The following SLC39A8 variants were observed in gnomAD, a reference collection of about 807,000 sequenced individuals.
SLC39A8 encodes metal cation symporter ZIP8.
A neutral mutation model predicts 40.4 loss-of-function variants in SLC39A8; 15 were observed. The ratio of observed to expected loss-of-function variants is 0.37; its 90% CI spans 0.25 to 0.57. The LOEUF is 0.57. Ranked by LOEUF, SLC39A8 falls within the 20% of genes least tolerant of loss-of-function variation. SLC39A8 has a pLI of 0.75. For missense variants in SLC39A8, 472 were observed against 558.8 expected (o/e 0.84, Z 1.57); for synonymous variants, 223 against 221.6 (o/e 1.01, Z -0.06).
At chr4:102,272,037 G>T (rs1163779344) in intron 6 of SLC39A8, among the ~76,000 whole-genome samples, 1 of 152,018 alleles carries the variant, frequency 6.6e-6, no homozygotes, top group African/African-American at 2.4e-5. Flanking sequence ...GAACCAAGAG[G>T]TGAGAGTAAA....
rs191022895 is a variant in SLC39A8, at chr4:102,278,768, A to G, written c.841-10689T>C. ...TGCCCATCAATGATAGAATGGATAA[A>G]GAAAATGTGGCATGTATACACCACG... is the stretch of plus-strand genomic sequence containing the variant. On this transcript the variant is annotated intron_variant, in intron 6 of 8. Coordinates refer to ENST00000356736, the MANE Select transcript of SLC39A8 (RefSeq NM_001135146.2). 8.2e-3 allele frequency among the ~76,000 whole-genome samples: 1,246 copies of G among 152,336 alleles called. 8 individuals are homozygous for G. The highest frequency in any genetic ancestry group is 0.014 in the Non-Finnish European group (957 of 68,022).
In SLC39A8 at chr4:102,262,636, AAATAAAACCTCTCT is replaced by A. The variant is rs1351071868; in HGVS notation, c.*394_*407del. ...TGAAAGCACTAGAACAAATTAATTG[AAATAAAACCTCTCT>A]GAAACCATTTGAATCTTTGATCCTA... On this transcript the variant is annotated 3_prime_UTR_variant, in exon 9 of 9. Transcript: ENST00000356736. The A allele has an allele frequency of 1.0e-6, 1 of 987,460 alleles. No individual in the cohort carries two copies. The highest frequency in any genetic ancestry group is 1.2e-6 in the Non-Finnish European group (1 of 831,352). The allele number at this position is 987,460 out of a possible 1,614,324, so 61.2% of individuals were successfully genotyped here.
exon 12 of SLC39A8, chr4:102,251,301 G>A (rs1731580413): frequency 6.6e-6 from 1 of 152,096 alleles, no homozygotes; most frequent in Non-Finnish European, 1.5e-5. Context: ...CAACAAAAGG[G>A]AAATTCCTTT....
At chr4:102,314,208 C>G (rs1196103639) in intron 3 of SLC39A8, among the ~76,000 whole-genome samples, 1 of 152,026 alleles carries the variant, frequency 6.6e-6, no homozygotes, top group Non-Finnish European at 1.5e-5. Flanking sequence ...TTAGCATGAT[C>G]TCCAGGACTC....
chr4:102,251,323 C>T (rs904773987), exon 12 of SLC39A8: 2 of 152,204 alleles, frequency 1.3e-5, no homozygotes, highest in African/African-American at 4.8e-5. Context: ...ATGTCCCAGC[C>T]CTGAGCCAGT....
At chr4:102,331,515 G>C (rs1180690702) in intron 2 of SLC39A8, among the ~76,000 whole-genome samples, 1 of 152,162 alleles carries the variant, frequency 6.6e-6, no homozygotes, top group African/African-American at 2.4e-5. Context: ...CAAAATAAGA[G>C]AGGACACAAA....
intron 2 of SLC39A8, among the ~76,000 whole-genome samples, chr4:102,343,061 G>C (rs1472204709): frequency 6.6e-6 from 1 of 152,192 alleles, no homozygotes; most frequent in South Asian, 2.1e-4. Context: ...TAATTTGTGG[G>C]CATTTCCATT....
intron 3 of SLC39A8, among the ~76,000 whole-genome samples, chr4:102,311,017 T>G (rs1734403980): frequency 6.6e-6 from 1 of 152,094 alleles, no homozygotes; most frequent in Non-Finnish European, 1.5e-5. Context: ...ATGGTTCTAT[T>G]ATGATACCCA....
intron 6 of SLC39A8, among the ~76,000 whole-genome samples, chr4:102,282,621 G>T (rs1409235906): frequency 6.6e-6 from 1 of 151,984 alleles, no homozygotes; most frequent in Non-Finnish European, 1.5e-5. Flanking sequence ...TAAATGGTGG[G>T]GGGGGGTGCT....
rs1734583975 is a variant in SLC39A8 at position 102,314,738 on chromosome 4, C to T, written c.382+930G>A. 2.0e-5 allele frequency among the ~76,000 whole-genome samples: 3 copies of T among 152,110 alleles called. No homozygotes were observed. In the South Asian group the frequency reaches 6.2e-4, roughly 32 times the overall value. On this transcript the variant is annotated intron_variant, in intron 3 of 8. Transcript: ENST00000356736. ...TCCTTGATCTATCTAAGATGACACT[C>T]ACCCACTATCACCTTCTATCCCTCA...
intron 6 of SLC39A8, among the ~76,000 whole-genome samples, chr4:102,289,468 T>G (rs1733326394): frequency 6.6e-6 from 1 of 152,132 alleles, no homozygotes; most frequent in African/African-American, 2.4e-5. Context: ...TCATATTATT[T>G]AAGAAATACA....
intron 6 of SLC39A8, among the ~76,000 whole-genome samples, chr4:102,300,490 T>C (rs935568080): frequency 6.6e-6 from 1 of 152,082 alleles, no homozygotes; most frequent in Non-Finnish European, 1.5e-5. Flanking sequence ...TTCTATAACA[T>C]GTCTTTGTTC....
intron 11 of SLC39A8, among the ~76,000 whole-genome samples, chr4:102,255,730 C>T (rs1256853009): frequency 6.6e-6 from 1 of 152,112 alleles, no homozygotes; most frequent in Non-Finnish European, 1.5e-5. Flanking sequence ...TATGCAGAAA[C>T]AATCAACAGA....
rs753110864 is a variant in SLC39A8 at position 102,263,085 on chromosome 4, G to A, written c.1342C>T (p.Leu448=). The change falls in exon 9 of 9, where the codon CTA becomes TTA. Residue 448 remains leucine, a synonymous_variant. Coordinates refer to ENST00000356736, the MANE Select transcript of SLC39A8 (RefSeq NM_001135146.2). ...TCTCCTGCATACAAGGTAATGAGTAGAATGGCTGTGAATCCAGTTAACATT... is the reference window on the plus strand; with the variant it reads ...TCTCCTGCATACAAGGTAATGAGTAAAATGGCTGTGAATCCAGTTAACATT... ...AGMLTGFTAI[L]LITLYAGEIE... is the part of the protein sequence containing the mutation. 9 of 1,613,566 alleles carry A rather than the reference G, an allele frequency of 5.6e-6. No individual in the cohort carries two copies. Among genetic ancestry groups the A allele is most frequent in the Non-Finnish European group, 7.6e-6 (9 of 1,179,672 alleles).
chr4:102,264,843 T>A (rs1442961026), intron 8 of SLC39A8, among the ~76,000 whole-genome samples: 1 of 152,244 alleles, frequency 6.6e-6, no homozygotes, highest in Non-Finnish European at 1.5e-5. Context: ...CCTCTGCTAA[T>A]GTCCAGTTTT....
chr4:102,337,252 T>C (rs1229668486), intron 2 of SLC39A8, among the ~76,000 whole-genome samples: 1 of 146,050 alleles, frequency 6.8e-6, no homozygotes, highest in East Asian at 2.0e-4. Flanking sequence ...AAAAAAAGAA[T>C]CAAAAGTATA....
intron 6 of SLC39A8, among the ~76,000 whole-genome samples, chr4:102,287,197 C>T (rs1413304753): frequency 6.6e-6 from 1 of 152,100 alleles, no homozygotes; most frequent in East Asian, 1.9e-4. Context: ...TATTGGCTGG[C>T]AGGTCATAGA....
chr4:102,274,423 G>A (rs1732520315), intron 6 of SLC39A8, among the ~76,000 whole-genome samples: 1 of 152,018 alleles, frequency 6.6e-6, no homozygotes, highest in South Asian at 2.1e-4. Flanking sequence ...AGAGGAACAA[G>A]CAAAGAATCC....
intron 11 of SLC39A8, among the ~76,000 whole-genome samples, chr4:102,253,696 A>T (rs1731644434): frequency 6.6e-6 from 1 of 152,168 alleles, no homozygotes. Context: ...AATTGAGACA[A>T]TATTAACATT....
Sources: gnomAD v4.1 joint callset for allele counts (sites outside exome capture counted in the v4.1 genomes callset) on GRCh38, gnomAD v4.1.1 for gene constraint, MANE v1.5 for transcripts, NCBI Gene and HGNC (gene_info 2026-07-23, HGNC 2026-07-21) for gene names.